Variants in VLDLR observed in about 807,000 individuals in gnomAD.
VLDLR encodes the protein very low density lipoprotein receptor.
In VLDLR, 81 loss-of-function variants were observed where a neutral mutation model predicts 112.7. The ratio of observed to expected loss-of-function variants is 0.72; its 90% CI spans 0.60 to 0.86. The LOEUF (loss-of-function observed/expected upper bound fraction) is 0.86, where lower values mean the gene tolerates loss of function less well. Among genes scored for constraint, VLDLR ranks in the 40% least tolerant of loss-of-function variants. The probability of loss-of-function intolerance (pLI) is 0.00; values close to 1 mark genes in which losing one functional copy is unlikely to be tolerated. For synonymous variants in VLDLR, 436 were observed against 384.8 expected, an observed-to-expected ratio of 1.13 and a Z score of -1.56; for missense variants, 1,237 against 1,099.4, an observed-to-expected ratio of 1.13 and a Z score of -1.77.
rs750077143 is a variant in VLDLR, at chr9:2,645,743, C to T, written c.1482C>T (p.Phe494=). ...FWADLSQKAI[F]SASIDDKVGR... ...CCGATCTAAGCCAAAAGGCTATCTT[C>T]AGGTAACTTTCAGTTCCTTTTGTGG... Residue 494 remains phenylalanine, a splice_region_variant and synonymous_variant, in exon 10 of 19, where the codon TTC becomes TTT. Transcript: ENST00000382100. 7 of 1,614,186 alleles carry T rather than the reference C, an allele frequency of 4.3e-6. No individual in the cohort carries two copies. The highest frequency in any genetic ancestry group is 2.2e-5 in the South Asian group (2 of 91,088).
chr9:2,653,424 C>T (rs1276826805), intron 18 of VLDLR, among the ~76,000 whole-genome samples: 1 of 152,194 alleles, frequency 6.6e-6, no homozygotes, highest in African/African-American at 2.4e-5. Flanking sequence ...AATAGTCACT[C>T]ACTTGTTCTT....
In VLDLR at chr9:2,645,092, C is replaced by T. The variant is rs752792435; in HGVS notation, c.1312+10C>T. On this transcript the variant is annotated intron_variant, in intron 9 of 18. Transcript: ENST00000382100. ...GTGTGCAAGGCAGTAGGTAAATGAA[C>T]TTGGACTGGTATGGCTGTTGTACCT... The T allele has an allele frequency of 6.2e-7, 1 of 1,613,982 alleles. No individual in the cohort carries two copies. The highest frequency in any genetic ancestry group is 1.3e-5 in the African/African-American group (1 of 74,940).
intron 1 of VLDLR, among the ~76,000 whole-genome samples, chr9:2,633,415 A>G (rs112636830): frequency 7.2e-4 from 109 of 152,288 alleles, no homozygotes; most frequent in African/African-American, 2.5e-3. Context: ...CTGAGTGCCT[A>G]GGAAATCTGT....
At chr9:2,640,357 A>G (rs1392234159) in intron 3 of VLDLR, among the ~76,000 whole-genome samples, 5 of 152,202 alleles carry the variant, frequency 3.3e-5, no homozygotes, top group African/African-American at 1.2e-4. Flanking sequence ...GGCCAAGCAA[A>G]AGCTTTTAGA....
At chr9:2,630,378 G>C (rs183672807) in intron 1 of VLDLR, among the ~76,000 whole-genome samples, 1 of 151,904 alleles carries the variant, frequency 6.6e-6, no homozygotes. Context: ...ACAAATGGAC[G>C]GAAGGAATTC....
chr9:2,622,502 A>G (rs1467083916), intron 1 of VLDLR: 2 of 441,972 alleles, frequency 4.5e-6, no homozygotes, highest in East Asian at 7.3e-5. Flanking sequence ...CCTCGCCTGA[A>G]CTAGTCTTCT....
chr9:2,640,443 C>G (rs1441031622), intron 3 of VLDLR, among the ~76,000 whole-genome samples: 1 of 152,150 alleles, frequency 6.6e-6, no homozygotes, highest in Non-Finnish European at 1.5e-5. Flanking sequence ...TATAGTGACT[C>G]CTGACACACA....
chr9:2,648,169 A>T lies in VLDLR; in HGVS notation c.1823-39A>T, dbSNP rs758797487. ...TATTTTTAATGGAAGCCAGAGTAGT[A>T]GTGGCTTGTCATGTAATGACAATTC... On this transcript the variant is annotated intron_variant, in intron 12 of 18. Coordinates refer to ENST00000382100, the MANE Select transcript of VLDLR (RefSeq NM_003383.5). The T allele has an allele frequency of 1.9e-6, 3 of 1,611,912 alleles. No homozygotes were observed. The South Asian group carries it at 3.3e-5, about 18-fold the overall frequency.
intron 1 of VLDLR, among the ~76,000 whole-genome samples, chr9:2,630,144 A>C (rs566515900): frequency 6.6e-6 from 1 of 152,174 alleles, no homozygotes. Flanking sequence ...CCAGAGCACA[A>C]TCTTTGTGCT....
chr9:2,650,456 A>C lies in VLDLR; in HGVS notation c.2191A>C (p.Lys731Gln). The C allele has an allele frequency of 6.2e-7, 1 of 1,614,130 alleles. No homozygotes were observed. The highest frequency in any genetic ancestry group is 8.5e-7 in the Non-Finnish European group (1 of 1,180,012). ...PAPQINDHSP[K>Q]YTCSCPSGYN... ...ACCACAGATTAATGATCACTCTCCA[A>C]AATATACCTGTTCCTGTCCCAGTGG... The change falls in exon 15 of 19, where the codon AAA (lysine) becomes CAA (glutamine). Residue 731 changes from lysine to glutamine, a missense_variant. Lys to Gln is a moderately conservative substitution (Grantham distance 53). Coordinates refer to ENST00000382100, the MANE Select transcript of VLDLR (RefSeq NM_003383.5).
At position 2,643,495 on chromosome 9, in the gene VLDLR, C is replaced by A; in HGVS notation, c.784C>A (p.Pro262Thr). The A allele has an allele frequency of 5.0e-6, 8 of 1,614,060 alleles. No individual in the cohort carries two copies. Among genetic ancestry groups the A allele is most frequent in the African/African-American group, 2.7e-5 (2 of 74,986 alleles). ...IHKKWRCDGD[P>T]DCKDGSDEVN... ...TAAGAAGTGGCGATGTGATGGGGAC[C>A]CTGACTGCAAGGATGGCAGTGATGA... Residue 262 changes from proline (P) to threonine (T), a missense_variant, in exon 5 of 19, where the codon CCT becomes ACT. Pro to Thr is a conservative substitution (Grantham distance 38). Coordinates refer to ENST00000382100, the MANE Select transcript of VLDLR (RefSeq NM_003383.5).
rs1817753230 is a variant in VLDLR, at chr9:2,639,906, T to C, written c.250T>C (p.Cys84Arg). Residue 84 changes from cysteine to arginine, a missense_variant, in exon 3 of 19, where the codon TGT becomes CGT. By Grantham distance (180) the Cys-to-Arg change is radical. Coordinates refer to ENST00000382100, the MANE Select transcript of VLDLR (RefSeq NM_003383.5). The stretch of plus-strand genomic sequence containing the variant: ...TGACTTCGTGTGCAACAATGGCCAG[T>C]GTGTTCCCAGCCGATGGAAGTGTGA... The part of the protein sequence containing the change: ...ESDFVCNNGQ[C>R]VPSRWKCDGD... The C allele has an allele frequency of 2.5e-6, 4 of 1,614,040 alleles. No homozygotes were observed. Among genetic ancestry groups the C allele is most frequent in the Admixed American group, 1.7e-5 (1 of 60,000 alleles).
At chr9:2,627,132 T>G (rs1436222889) in intron 1 of VLDLR, among the ~76,000 whole-genome samples, 1 of 152,176 alleles carries the variant, frequency 6.6e-6, no homozygotes, top group Non-Finnish European at 1.5e-5. Flanking sequence ...AAAGACCGCT[T>G]GGAATAGAAG....
rs867729388 is a variant in VLDLR, at chr9:2,621,798, C to G, written c.-392C>G. ...CCTCCCCGCTGCTCACCCCGCTCTCCGGCCGCCGCCGGTGCGGGTGCTCCG... is the reference window on the plus strand; with the variant it reads ...CCTCCCCGCTGCTCACCCCGCTCTCGGGCCGCCGCCGGTGCGGGTGCTCCG... On this transcript the variant is annotated 5_prime_UTR_variant, in exon 1 of 19. Transcript: ENST00000382100. The G allele has an allele frequency of 4.1e-6, 2 of 484,856 alleles. No individual in the cohort carries two copies. The highest frequency in any genetic ancestry group is 4.1e-5 in the African/African-American group (2 of 49,014). The allele number at this position is 484,856 out of a possible 1,614,324, so 30.0% of individuals were successfully genotyped here. A position where few individuals can be genotyped will look rare whatever the true frequency, so the allele number is the denominator to read the frequency against.
chr9:2,636,445 C>T (rs917304262), intron 2 of VLDLR, among the ~76,000 whole-genome samples: 1 of 152,204 alleles, frequency 6.6e-6, no homozygotes, highest in Admixed American at 6.5e-5. Context: ...CAACTGCCAT[C>T]TTGTTATGCC....
chr9:2,647,417 C>G (rs112249873), intron 11 of VLDLR, 57 bp from the exon 12 acceptor site: 314 of 1,509,730 alleles, frequency 2.1e-4, no homozygotes, highest in Middle Eastern at 1.6e-3. Context: ...TTTCCAGCTA[C>G]TACAACTTTA....
Position 2,641,649 on chromosome 9 carries a change from A to T in VLDLR, c.448+150A>T, listed in dbSNP as rs574069893. 5.0e-6 allele frequency: 6 copies of T among 1,211,022 alleles called. No homozygotes were observed. The East Asian group carries it at 1.5e-4, about 31-fold the overall frequency. The allele number at this position is 1,211,022 out of a possible 1,614,324, so 75.0% of individuals were successfully genotyped here. A position where few individuals can be genotyped will look rare whatever the true frequency, so the allele number is the denominator to read the frequency against. On this transcript the variant is annotated intron_variant, in intron 4 of 18. Transcript: ENST00000382100. ...TCTGCTCAATTACTTGTCCTTCATA[A>T]CTGCCCTAAAACCCTAAAAGACATT...
intron 1 of VLDLR, among the ~76,000 whole-genome samples, chr9:2,633,051 A>AGAGAGAGAGTGTGT (rs1460780869): frequency 8.7e-6 from 1 of 115,402 alleles, no homozygotes. Context: ...AGAGAGAGAG[A>AGAGAGAGAGTGTGT]GTGTGTGTGT....
intron 13 of VLDLR, 135 bp from the exon 14 acceptor site, chr9:2,648,534 A>G: frequency 6.6e-7 from 1 of 1,526,536 alleles, no homozygotes; most frequent in South Asian, 1.1e-5. Context: ...TGATTCTTTT[A>G]CAGTTTTATA....
Sources: allele counts gnomAD v4.1 joint callset (sites outside exome capture counted in the v4.1 genomes callset), GRCh38; gene constraint gnomAD v4.1.1; transcripts MANE v1.5; gene names NCBI Gene and HGNC (gene_info 2026-07-23, HGNC 2026-07-21).